Variants in JAKMIP2 observed in about 807,000 individuals in gnomAD.
The protein encoded by JAKMIP2 is janus kinase and microtubule-interacting protein 2.
JAKMIP2 carries 25 observed loss-of-function variants against 115.0 expected under a neutral mutation model. That is an observed-to-expected ratio of 0.22 (90% CI 0.16 to 0.30). The LOEUF (loss-of-function observed/expected upper bound fraction) is 0.30, where lower values mean the gene tolerates loss of function less well. JAKMIP2 is among the 10% of genes least tolerant of loss of function. The pLI is 1.00. For synonymous variants in JAKMIP2, 334 were observed against 343.6 expected (o/e 0.97, Z 0.31); for missense variants, 642 against 957.6 (o/e 0.67, Z 4.35).
At chr5:147,663,175 G>A (rs1035957803) in intron 2 of JAKMIP2, among the ~76,000 whole-genome samples, 2 of 152,118 alleles carry the variant, frequency 1.3e-5, no homozygotes, top group Non-Finnish European at 2.9e-5. Flanking sequence ...GTAATATAAA[G>A]TGTCTGTGAT....
chr5:147,623,738 T>C (rs754272200), intron 16 of JAKMIP2, 49 bp from the exon 17 acceptor site: 1 of 1,161,122 alleles, frequency 8.6e-7, no homozygotes, highest in Admixed American at 1.7e-5. Context: ...CTTGATATGG[T>C]GTATATCTGT....
At chr5:147,760,944 TG>T (rs796980483) in intron 1 of JAKMIP2, among the ~76,000 whole-genome samples, 27 of 152,224 alleles carry the variant, frequency 1.8e-4, no homozygotes, top group African/African-American at 6.3e-4. Context: ...ACTCTCCCAT[TG>T]GGAAAAGTAT....
chr5:147,688,416 GAGAT>G (rs1760674194), intron 1 of JAKMIP2, among the ~76,000 whole-genome samples: 1 of 152,130 alleles, frequency 6.6e-6, no homozygotes, highest in African/African-American at 2.4e-5. Context: ...ATGATCACAT[GAGAT>G]AGATAATTAA....
At chr5:147,769,441 C>A (rs190621815) in intron 1 of JAKMIP2, among the ~76,000 whole-genome samples, 438 of 152,134 alleles carry the variant, frequency 2.9e-3, no homozygotes, top group Non-Finnish European at 4.8e-3. Flanking sequence ...ATGTAATAAT[C>A]CTTGTTAGAG....
intron 1 of JAKMIP2, among the ~76,000 whole-genome samples, chr5:147,693,905 C>A (rs976805142): frequency 6.6e-6 from 1 of 152,150 alleles, no homozygotes; most frequent in Non-Finnish European, 1.5e-5. Flanking sequence ...AGCATATCTG[C>A]TGTGGTGGCC....
intron 1 of JAKMIP2, among the ~76,000 whole-genome samples, chr5:147,685,953 AAC>A (rs1760548295): frequency 6.6e-6 from 1 of 152,200 alleles, no homozygotes; most frequent in Non-Finnish European, 1.5e-5. Context: ...TGGGAAGCAA[AAC>A]ACAGAATTCA....
At chr5:147,667,340 T>G (rs1007370038) in intron 2 of JAKMIP2, among the ~76,000 whole-genome samples, 6 of 152,224 alleles carry the variant, frequency 3.9e-5, no homozygotes, top group African/African-American at 1.4e-4. Context: ...ATGACTATCT[T>G]GCACAGACCT....
intron 12 of JAKMIP2, among the ~76,000 whole-genome samples, chr5:147,634,343 C>T (rs1402741101): frequency 7.9e-5 from 12 of 151,914 alleles, no homozygotes; most frequent in Non-Finnish European, 1.2e-4. Context: ...AATATAATAA[C>T]ACTTATTACT....
intron 20 of JAKMIP2, among the ~76,000 whole-genome samples, chr5:147,605,746 G>A (rs1755975520): frequency 1.3e-5 from 2 of 152,114 alleles, no homozygotes; most frequent in African/African-American, 2.4e-5. Context: ...CTAGATCCTT[G>A]AGGAATCACC....
chr5:147,641,033 C>T (rs946812833), intron 8 of JAKMIP2, among the ~76,000 whole-genome samples: 2 of 152,136 alleles, frequency 1.3e-5, no homozygotes, highest in African/African-American at 2.4e-5. Context: ...AAGAAAAATT[C>T]ATAATATGTA....
rs759229540 is a variant in JAKMIP2, at chr5:147,639,781, C to T, written c.1402-21G>A. On this transcript the variant is annotated intron_variant, in intron 9 of 21. Transcript: ENST00000616793. Reference sequence around the variant, plus strand: ...AAACTCTTGAGGTTAAGAAAAAAAGCCCCAAAACAATTGTGTTATGTTCAG... The same window carrying T: ...AAACTCTTGAGGTTAAGAAAAAAAGTCCCAAAACAATTGTGTTATGTTCAG... The T allele has an allele frequency of 4.4e-6, 7 of 1,608,630 alleles. No homozygotes were observed. The African/African-American group carries it at 8.1e-5, about 19-fold the overall frequency.
chr5:147,598,129 T>C (rs567997347), intron 21 of JAKMIP2, among the ~76,000 whole-genome samples: 2 of 152,138 alleles, frequency 1.3e-5, no homozygotes, highest in Admixed American at 6.6e-5. Context: ...CTCCCAAAAG[T>C]AGCTGGGACT....
At chr5:147,636,036 G>A (rs1400152640) in intron 12 of JAKMIP2, among the ~76,000 whole-genome samples, 186 bp downstream of exon 12, 1 of 152,118 alleles carries the variant, frequency 6.6e-6, no homozygotes, top group African/African-American at 2.4e-5. Flanking sequence ...CCATGCACAC[G>A]TGCCACTTCA....
chr5:147,613,329 A>G (rs1756421939), intron 19 of JAKMIP2, among the ~76,000 whole-genome samples: 1 of 152,218 alleles, frequency 6.6e-6, no homozygotes, highest in Non-Finnish European at 1.5e-5. Flanking sequence ...AGAAAACACT[A>G]GAAGCCAAAT....
chr5:147,700,129 T>C (rs774681824), intron 1 of JAKMIP2, among the ~76,000 whole-genome samples: 3 of 152,112 alleles, frequency 2.0e-5, no homozygotes, highest in Non-Finnish European at 4.4e-5. Context: ...GAAAAGTTCA[T>C]GGAGTGGAGG....
At chr5:147,709,235 G>A (rs11167996) in intron 1 of JAKMIP2, among the ~76,000 whole-genome samples, 17,911 of 152,086 alleles carry the variant, frequency 0.12, 1,288 homozygotes, top group Middle Eastern at 0.18. Flanking sequence ...GAATTGAGAC[G>A]ATCTCAGTAT....
intron 1 of JAKMIP2, among the ~76,000 whole-genome samples, chr5:147,724,833 T>TA (rs983834401): frequency 1.3e-5 from 2 of 152,118 alleles, no homozygotes; most frequent in East Asian, 3.9e-4. Flanking sequence ...CATAGATAGA[T>TA]AAAAAACAAG....
intron 1 of JAKMIP2, among the ~76,000 whole-genome samples, chr5:147,722,760 T>C (rs1753365292): frequency 1.3e-5 from 2 of 152,222 alleles, no homozygotes; most frequent in East Asian, 1.9e-4. Flanking sequence ...CAAGACTACC[T>C]ATCATTTACT....
chr5:147,698,876 C>T (rs1752213621), intron 1 of JAKMIP2, among the ~76,000 whole-genome samples: 1 of 152,078 alleles, frequency 6.6e-6, no homozygotes, highest in African/African-American at 2.4e-5. Flanking sequence ...AGTGGTTGTA[C>T]AAAAATAATC....
Sources: allele counts gnomAD v4.1 joint callset (sites outside exome capture counted in the v4.1 genomes callset), GRCh38; gene constraint gnomAD v4.1.1; transcripts MANE v1.5; gene names NCBI Gene and HGNC (gene_info 2026-07-23, HGNC 2026-07-21).